The following CDK6 variants were observed in gnomAD, a reference collection of about 807,000 sequenced individuals.
CDK6 encodes cyclin dependent kinase 6.
CDK6 carries 6 observed loss-of-function variants against 37.1 expected under a neutral mutation model. The observed-to-expected ratio is 0.16, with a 90% CI of 0.09 to 0.32. The LOEUF (loss-of-function observed/expected upper bound fraction) is 0.32. Among genes scored for constraint, CDK6 ranks in the 10% least tolerant of loss-of-function variants. The pLI, the probability that CDK6 is intolerant of heterozygous loss-of-function variation, is 1.00. For missense variants in CDK6, 224 were observed against 418.9 expected (o/e 0.53, Z 4.06); for synonymous variants, 160 against 161.3 (o/e 0.99, Z 0.06).
chr7:92,831,643 C>T (rs1028169080), intron 2 of CDK6, among the ~76,000 whole-genome samples: 3 of 152,170 alleles, frequency 2.0e-5, no homozygotes, highest in African/African-American at 7.2e-5. Flanking sequence ...ATAATCTCAT[C>T]TTCTAAAACA....
chr7:92,803,211 A>G (rs776791212), intron 2 of CDK6, among the ~76,000 whole-genome samples: 7 of 152,334 alleles, frequency 4.6e-5, no homozygotes, highest in Non-Finnish European at 1.0e-4. Context: ...TATGGTTAGC[A>G]GTATGTGAAC....
At chr7:92,641,913 G>A (rs1478869863) in intron 5 of CDK6, among the ~76,000 whole-genome samples, 1 of 152,206 alleles carries the variant, frequency 6.6e-6, no homozygotes, top group Non-Finnish European at 1.5e-5. Flanking sequence ...CATTCTGTTC[G>A]ATTAATTAAT....
intron 5 of CDK6, among the ~76,000 whole-genome samples, chr7:92,630,826 A>G (rs563224425): frequency 6.6e-6 from 1 of 152,286 alleles, no homozygotes; most frequent in South Asian, 2.1e-4. Context: ...AACATGCTGG[A>G]AGGTCATTTG....
chr7:92,784,422 T>A (rs1800071797), intron 2 of CDK6, among the ~76,000 whole-genome samples: 1 of 152,204 alleles, frequency 6.6e-6, no homozygotes, highest in Non-Finnish European at 1.5e-5. Flanking sequence ...TCTAGATTAG[T>A]ATAAAGAACA....
chr7:92,658,372 A>G (rs1468411362), intron 5 of CDK6, among the ~76,000 whole-genome samples: 1 of 152,232 alleles, frequency 6.6e-6, no homozygotes, highest in Non-Finnish European at 1.5e-5. Context: ...CTAAATGTCC[A>G]TCAAGAAGAA....
intron 5 of CDK6, among the ~76,000 whole-genome samples, chr7:92,644,228 A>C (rs1202396156): frequency 6.6e-6 from 1 of 152,168 alleles, no homozygotes; most frequent in East Asian, 1.9e-4. Context: ...GATTACTCTT[A>C]AGGCAGGAAG....
At chr7:92,615,795 C>T (rs1232504241) in intron 7 of CDK6, among the ~76,000 whole-genome samples, 1 of 152,160 alleles carries the variant, frequency 6.6e-6, no homozygotes, top group Non-Finnish European at 1.5e-5. Context: ...GGTGAATGAG[C>T]TGGTGCCTGC....
intron 2 of CDK6, among the ~76,000 whole-genome samples, chr7:92,791,683 G>A (rs1800284889): frequency 6.6e-6 from 1 of 152,152 alleles, no homozygotes; most frequent in Non-Finnish European, 1.5e-5. Flanking sequence ...CTGAAGAAGA[G>A]GCATTCAACA....
chr7:92,830,212 G>A (rs1376374623), intron 2 of CDK6, among the ~76,000 whole-genome samples: 3 of 152,182 alleles, frequency 2.0e-5, no homozygotes, highest in Admixed American at 6.5e-5. Flanking sequence ...GCGAGGGCCT[G>A]GGATACATCA....
intron 4 of CDK6, among the ~76,000 whole-genome samples, chr7:92,681,326 G>T (rs568298039): frequency 6.6e-6 from 1 of 152,154 alleles, no homozygotes. Context: ...CAGTAAACAG[G>T]GGGGCTGTGT....
chr7:92,836,082 T>C (rs1369934984), intron 1 of CDK6, among the ~76,000 whole-genome samples: 2 of 152,074 alleles, frequency 1.3e-5, no homozygotes, highest in South Asian at 4.1e-4. Context: ...GGCAGTGCAT[T>C]TTAAACCCTA....
chr7:92,657,601 A>G (rs889783803), intron 5 of CDK6, among the ~76,000 whole-genome samples: 6 of 152,208 alleles, frequency 3.9e-5, no homozygotes, highest in Non-Finnish European at 8.8e-5. Flanking sequence ...TTCCTTCCCT[A>G]TCACTACCCA....
intron 5 of CDK6, among the ~76,000 whole-genome samples, chr7:92,658,803 T>C (rs1485555049): frequency 6.6e-6 from 1 of 152,246 alleles, no homozygotes; most frequent in Non-Finnish European, 1.5e-5. Context: ...GGAAATCTCC[T>C]ACTTTGATCC....
Position 92,833,980 on chromosome 7 carries a change from G to T in CDK6, c.-367-290C>A. The stretch of plus-strand genomic sequence containing the variant: ...GCAGTGGAACGGGAGGGGGCGTGCC[G>T]AGCAGCCCAGAGTGTGCCGGGAGCG... On this transcript the variant is annotated intron_variant, in intron 1 of 7. Transcript: ENST00000424848. The surrounding 1 kb of genome is among the most constrained non-coding windows in gnomAD (Gnocchi z 6.1). The T allele has an allele frequency of 2.5e-6, 1 of 398,448 alleles. No individual in the cohort carries two copies. Among genetic ancestry groups the T allele is most frequent in the South Asian group, 1.3e-4 (1 of 7,798 alleles). 24.7% of individuals were successfully genotyped at this position (398,448 alleles called of 1,614,324 possible). A position where few individuals can be genotyped will look rare whatever the true frequency, so the allele number is the denominator to read the frequency against.
intron 3 of CDK6, among the ~76,000 whole-genome samples, chr7:92,736,787 T>C (rs767209925): frequency 6.6e-6 from 1 of 152,154 alleles, no homozygotes; most frequent in Non-Finnish European, 1.5e-5. Context: ...TTAGCATACA[T>C]AATGGATGGG....
intron 3 of CDK6, among the ~76,000 whole-genome samples, chr7:92,746,942 T>A (rs2115659860): frequency 6.6e-6 from 1 of 152,264 alleles, no homozygotes; most frequent in Non-Finnish European, 1.5e-5. Context: ...GGATTGTATT[T>A]TGTAGAATCT....
intron 2 of CDK6, among the ~76,000 whole-genome samples, chr7:92,802,578 G>C (rs1432476929): frequency 1.3e-5 from 2 of 152,206 alleles, no homozygotes; most frequent in Non-Finnish European, 2.9e-5. Context: ...GGTACAAGCA[G>C]CTATCACATG....
At chr7:92,695,559 G>A (rs942422063) in intron 4 of CDK6, among the ~76,000 whole-genome samples, 2 of 152,174 alleles carry the variant, frequency 1.3e-5, no homozygotes, top group African/African-American at 4.8e-5. Context: ...CTAAATAAGC[G>A]TATCTGCATG....
chr7:92,670,726 A>G (rs1797054338), intron 5 of CDK6, among the ~76,000 whole-genome samples: 1 of 152,214 alleles, frequency 6.6e-6, no homozygotes, highest in African/African-American at 2.4e-5. Flanking sequence ...ATGCTACTGA[A>G]ACATCACCAA....
Sources: allele counts gnomAD v4.1 joint callset (sites outside exome capture counted in the v4.1 genomes callset), GRCh38; gene constraint gnomAD v4.1.1; non-coding constraint Gnocchi (gnomAD v3.1); transcripts MANE v1.5; gene names NCBI Gene and HGNC (gene_info 2026-07-23, HGNC 2026-07-21).